The following SRSF6 variants were observed in gnomAD, a reference collection of about 807,000 sequenced individuals.
SRSF6 encodes serine and arginine rich splicing factor 6.
Under a neutral mutation model 42.0 loss-of-function variants are expected in SRSF6, and 17 were observed. The ratio of observed to expected loss-of-function variants is 0.40; its 90% CI spans 0.28 to 0.61. The LOEUF (loss-of-function observed/expected upper bound fraction) is 0.61. Ranked by LOEUF, SRSF6 falls within the 20% of genes least tolerant of loss-of-function variation. The pLI is 0.37. For synonymous variants in SRSF6, 204 were observed against 166.7 expected (o/e 1.22, Z -1.72); for missense variants, 379 against 471.4 (o/e 0.80, Z 1.81).
At position 43,460,977 on chromosome 20, in the gene SRSF6, C is replaced by T. The variant is rs149557843; in HGVS notation, c.949C>T (p.Pro317Ser). The T allele has an allele frequency of 1.0e-4, 165 of 1,613,358 alleles. No homozygotes were observed. The highest frequency in any genetic ancestry group is 1.4e-4 in the Non-Finnish European group (164 of 1,179,856). The stretch of plus-strand genomic sequence containing the variant: ...ACCCTCAAAGGCCCGTTCTGTGTCC[C>T]CTCCACCAAAAAGAGCTACTTCAAG... ...VPPSKARSVS[P>S]PPKRATSRSR... The change falls in exon 6 of 6, where the codon CCT (proline) becomes TCT (serine). Residue 317 changes from proline to serine, a missense_variant. Pro to Ser is a moderately conservative substitution (Grantham distance 74). Transcript: ENST00000244020.
In SRSF6 at chr20:43,461,983, T is replaced by C. The variant is rs1475900198; in HGVS notation, c.*920T>C. ...ATGTGGAAATGGAAGTAGCCTCTTTTTGTTCTGAAATTGAGTTTATTCAAA... is the reference window on the plus strand; with the variant it reads ...ATGTGGAAATGGAAGTAGCCTCTTTCTGTTCTGAAATTGAGTTTATTCAAA... On this transcript the variant is annotated 3_prime_UTR_variant, in exon 6 of 6. Transcript: ENST00000244020. 6.6e-6 allele frequency: 1 copy of C among 152,214 alleles called. No individual in the cohort carries two copies. The highest frequency in any genetic ancestry group is 1.5e-5 in the Non-Finnish European group (1 of 68,028). 9.4% of individuals were successfully genotyped at this position (152,214 alleles called of 1,614,324 possible).
At position 43,461,170 on chromosome 20, in the gene SRSF6, A is replaced by C. The variant is rs1285148930; in HGVS notation, c.*107A>C. ...TCTGCAAGAGGAATCTCTTGAAAACAGGGGCACACAGAAATTTGATTTGTG... is the reference window on the plus strand; with the variant it reads ...TCTGCAAGAGGAATCTCTTGAAAACCGGGGCACACAGAAATTTGATTTGTG... On this transcript the variant is annotated 3_prime_UTR_variant, in exon 6 of 6. Transcript: ENST00000244020. The C allele has an allele frequency of 7.3e-6, 10 of 1,376,950 alleles. No individual in the cohort carries two copies. The highest frequency in any genetic ancestry group is 8.5e-6 in the Non-Finnish European group (9 of 1,054,722). The allele number at this position is 1,376,950 out of a possible 1,614,324, so 85.3% of individuals were successfully genotyped here.
At chr20:43,459,412 C>T in intron 2 of SRSF6, 1 of 1,311,116 alleles carries the variant, frequency 7.6e-7, no homozygotes, top group Non-Finnish European at 1.0e-6. Context: ...AAAAACCTCA[C>T]ACTGTGATGT....
intron 3 of SRSF6, 54 bp downstream of exon 3, chr20:43,459,949 T>G: frequency 6.2e-7 from 1 of 1,600,700 alleles, no homozygotes; most frequent in Non-Finnish European, 8.5e-7. Context: ...TAAAGTAAAC[T>G]CCTTTTATAT....
At chr20:43,459,489 T>A in intron 2 of SRSF6, 2 of 1,289,114 alleles carry the variant, frequency 1.6e-6, no homozygotes, top group Non-Finnish European at 2.0e-6. Context: ...CAGTTAAGTT[T>A]TATATTTTAC....
chr20:43,463,784 CATT>C lies in SRSF6; in HGVS notation c.*2723_*2725del, dbSNP rs546568823. The C allele has an allele frequency of 3.3e-5, 5 of 152,344 alleles. No homozygotes were observed. The South Asian group carries it at 1.0e-3, about 32-fold the overall frequency. The allele number at this position is 152,344 out of a possible 1,614,324, so 9.4% of individuals were successfully genotyped here. A position where few individuals can be genotyped will look rare whatever the true frequency, so the allele number is the denominator to read the frequency against. On this transcript the variant is annotated 3_prime_UTR_variant, in exon 6 of 6. Coordinates refer to ENST00000244020, the MANE Select transcript of SRSF6 (RefSeq NM_006275.6). ...AGTATATGGTTTATGTTGGGCAACT[CATT>C]AATCACTGTGCTTCAGTGTCATCCA...
intron 3 of SRSF6, 61 bp from the exon 4 acceptor site, chr20:43,459,972 G>C (rs2017557178): frequency 6.2e-7 from 1 of 1,604,626 alleles, no homozygotes; most frequent in Admixed American, 1.7e-5. Context: ...TTATTTCTGG[G>C]AATTTATTAT....
At position 43,463,815 on chromosome 20, in the gene SRSF6, A is replaced by G. The variant is rs1327683206; in HGVS notation, c.*2752A>G. 1.3e-5 allele frequency: 2 copies of G among 152,230 alleles called. No homozygotes were observed. Among genetic ancestry groups the G allele is most frequent in the African/African-American group, 4.8e-5 (2 of 41,458 alleles). The allele number at this position is 152,230 out of a possible 1,614,324, so 9.4% of individuals were successfully genotyped here. On this transcript the variant is annotated 3_prime_UTR_variant, in exon 6 of 6. Transcript: ENST00000244020. Reference sequence around the variant, plus strand: ...TCACTGTGCTTCAGTGTCATCCATGAAACTAGGGATAAAACATGCATGGGA... The same window carrying G: ...TCACTGTGCTTCAGTGTCATCCATGGAACTAGGGATAAAACATGCATGGGA...
Position 43,460,201 on chromosome 20 carries a change from C to A in SRSF6, c.550C>A (p.Arg184Ser), listed in dbSNP as rs149309229. 1 of 1,614,016 alleles carries A rather than the reference C, an allele frequency of 6.2e-7. No homozygotes were observed. The highest frequency in any genetic ancestry group is 8.5e-7 in the Non-Finnish European group (1 of 1,179,964). Residue 184 changes from arginine (R) to serine (S), a missense_variant, in exon 4 of 6, where the codon CGC (arginine) becomes AGC (serine). By Grantham distance (110) the Arg-to-Ser change is moderately radical. Around this residue, in one of 3 missense-constraint regions of SRSF6, gnomAD observed 219 missense variants for 216.1 expected, o/e 1.01. Transcript: ENST00000244020. ...TATTAGGCTTATTGAAGATAAGCCA[C>A]GCACAAGCCATAGGCGATCTTACTC... ...RNIRLIEDKP[R>S]TSHRRSYSGS...
At position 43,462,062 on chromosome 20, in the gene SRSF6, A is replaced by C. The variant is rs2017611493; in HGVS notation, c.*999A>C. 1 of 152,234 alleles carries C rather than the reference A, an allele frequency of 6.6e-6. No homozygotes were observed. Among genetic ancestry groups the C allele is most frequent in the East Asian group, 1.9e-4 (1 of 5,202 alleles). The allele number at this position is 152,234 out of a possible 1,614,324, so 9.4% of individuals were successfully genotyped here. On this transcript the variant is annotated 3_prime_UTR_variant, in exon 6 of 6. Coordinates refer to ENST00000244020, the MANE Select transcript of SRSF6 (RefSeq NM_006275.6). ...TGAAAGATCATTATGTTTAACAGGC[A>C]CTTAATCTCAGTAAAGTCAGTTGCC...
rs2017583458 is a variant in SRSF6, at chr20:43,461,157, A to G, written c.*94A>G. The G allele has an allele frequency of 2.8e-6, 4 of 1,440,210 alleles. No individual in the cohort carries two copies. The highest frequency in any genetic ancestry group is 3.6e-6 in the Non-Finnish European group (4 of 1,098,754). The allele number at this position is 1,440,210 out of a possible 1,614,324, so 89.2% of individuals were successfully genotyped here. A position where few individuals can be genotyped will look rare whatever the true frequency, so the allele number is the denominator to read the frequency against. On this transcript the variant is annotated 3_prime_UTR_variant, in exon 6 of 6. Transcript: ENST00000244020. ...ATACTTGGCCTCTTCTGCAAGAGGA[A>G]TCTCTTGAAAACAGGGGCACACAGA...
Position 43,461,337 on chromosome 20 carries a change from G to GTTTTTTTGTTTTTTTTTTTTTTTTTT in SRSF6, c.*281_*282insGTTTTTTTTTTTTTTTTTTTTTTTTT, listed in dbSNP as rs2017589818. ...GTAAAGATTAAGCTCATTTAGTGTT[G>GTTTTTTTGTTTTTTTTTTTTTTTTTT]TTTTTTTTTTTTTTTTTTTTTTTTT... On this transcript the variant is annotated 3_prime_UTR_variant, in exon 6 of 6. Transcript: ENST00000244020. 9 of 43,768 alleles carry GTTTTTTTGTTTTTTTTTTTTTTTTTT rather than the reference G, an allele frequency of 2.1e-4. No individual in the cohort carries two copies. Among genetic ancestry groups the GTTTTTTTGTTTTTTTTTTTTTTTTTT allele is most frequent in the African/African-American group, 7.4e-4 (9 of 12,192 alleles). 2.7% of individuals were successfully genotyped at this position (43,768 alleles called of 1,614,324 possible). A position where few individuals can be genotyped will look rare whatever the true frequency, so the allele number is the denominator to read the frequency against.
At chr20:43,460,460 A>G in intron 4 of SRSF6, 55 bp from the exon 5 acceptor site, 7 of 1,567,652 alleles carry the variant, frequency 4.5e-6, no homozygotes, top group Non-Finnish European at 6.1e-6. Context: ...GCCAGATGGC[A>G]CGGATGTATT....
At position 43,459,838 on chromosome 20, in the gene SRSF6, A is replaced by G. The variant is rs1161687504; in HGVS notation, c.324A>G (p.Thr108=). 2 of 1,613,278 alleles carry G rather than the reference A, an allele frequency of 1.2e-6. No individual in the cohort carries two copies. Among genetic ancestry groups the G allele is most frequent in the African/African-American group, 1.3e-5 (1 of 74,900 alleles). The change falls in exon 3 of 6, where the codon ACA becomes ACG. Residue 108 remains threonine, a synonymous_variant. Transcript: ENST00000244020. ...GRDKYGPPVR[T]EYRLIVENLS... is the part of the protein sequence containing the mutation. ...ACAAATACGGACCACCTGTTCGTACAGAATACAGGCTTATTGTAGAAAATC... is the reference window on the plus strand; with the variant it reads ...ACAAATACGGACCACCTGTTCGTACGGAATACAGGCTTATTGTAGAAAATC...
rs2145329272 is a variant in SRSF6, at chr20:43,463,931, C to T, written c.*2868C>T. ...TACAAATATACATGGTTGGACCATA[C>T]CTTGGAATCTACTTGCTAATGCAGC... On this transcript the variant is annotated 3_prime_UTR_variant, in exon 6 of 6. Coordinates refer to ENST00000244020, the MANE Select transcript of SRSF6 (RefSeq NM_006275.6). 1 of 152,282 alleles carries T rather than the reference C, an allele frequency of 6.6e-6. No individual in the cohort carries two copies. Among genetic ancestry groups the T allele is most frequent in the Non-Finnish European group, 1.5e-5 (1 of 68,026 alleles). 9.4% of individuals were successfully genotyped at this position (152,282 alleles called of 1,614,324 possible).
At position 43,458,326 on chromosome 20, in the gene SRSF6, C is replaced by A. The variant is rs182117896; in HGVS notation, c.108-35C>A. The stretch of plus-strand genomic sequence containing the variant: ...CACGTGCGCGTCCTGGCTAACGACT[C>A]CCCCGCGGTTGTCCGGCCCTCGCAC... On this transcript the variant is annotated intron_variant, in intron 1 of 5. Transcript: ENST00000244020. 9.2e-5 allele frequency: 139 copies of A among 1,505,958 alleles called. 1 individual carries two copies. The East Asian group carries it at 3.6e-3, about 39-fold the overall frequency. The allele number at this position is 1,505,958 out of a possible 1,614,324, so 93.3% of individuals were successfully genotyped here.
At position 43,458,490 on chromosome 20, in the gene SRSF6, C is replaced by T; in HGVS notation, c.237C>T (p.Gly79=). 6.0e-6 allele frequency: 9 copies of T among 1,508,896 alleles called. No homozygotes were observed. The highest frequency in any genetic ancestry group is 7.9e-6 in the Non-Finnish European group (9 of 1,134,442). 93.5% of individuals were successfully genotyped at this position (1,508,896 alleles called of 1,614,324 possible). The stretch of plus-strand genomic sequence containing the variant: ...GGGGCCCGCGTCGCGATCGCGACGG[C>T]TACAGCTACGGAAGCCGCAGTGAGT... ...HARGPRRDRD[G]YSYGSRSGGG... Residue 79 remains glycine, a synonymous_variant, in exon 2 of 6, where the codon GGC becomes GGT. Transcript: ENST00000244020.
chr20:43,462,000 TTATTC>T lies in SRSF6; in HGVS notation c.*938_*942del, dbSNP rs1464454886. 1 of 152,176 alleles carries T rather than the reference TTATTC, an allele frequency of 6.6e-6. No homozygotes were observed. The highest frequency in any genetic ancestry group is 1.5e-5 in the Non-Finnish European group (1 of 68,020). The allele number at this position is 152,176 out of a possible 1,614,324, so 9.4% of individuals were successfully genotyped here. On this transcript the variant is annotated 3_prime_UTR_variant, in exon 6 of 6. Transcript: ENST00000244020. ...GCCTCTTTTTGTTCTGAAATTGAGT[TTATTC>T]AAAGTGTAAAAGCACATACTGCATT...
At position 43,461,087 on chromosome 20, in the gene SRSF6, T is replaced by A; in HGVS notation, c.*24T>A. 6.5e-7 allele frequency: 1 copy of A among 1,532,724 alleles called. No homozygotes were observed. The highest frequency in any genetic ancestry group is 8.8e-7 in the Non-Finnish European group (1 of 1,142,554). The allele number at this position is 1,532,724 out of a possible 1,614,324, so 94.9% of individuals were successfully genotyped here. On this transcript the variant is annotated 3_prime_UTR_variant, in exon 6 of 6. Transcript: ENST00000244020. ...AACTCAGAACTCCTTGTTTGCACATTATTATGGAACACTTTCCTACTTAGG... is the reference window on the plus strand; with the variant it reads ...AACTCAGAACTCCTTGTTTGCACATAATTATGGAACACTTTCCTACTTAGG...
Sources: gnomAD v4.1 joint callset for allele counts on GRCh38, gnomAD v4.1.1 for gene constraint, gnomAD v4.1.1 regional missense constraint, MANE v1.5 for transcripts, NCBI Gene and HGNC (gene_info 2026-07-23, HGNC 2026-07-21) for gene names.